NMNAT1: variants seen among roughly 807,000 people sequenced by gnomAD.
NMNAT1 encodes nicotinamide nucleotide adenylyltransferase 1, also known as nicotinamide/nicotinic acid mononucleotide adenylyltransferase 1.
In NMNAT1, 11 loss-of-function variants were observed where a neutral mutation model predicts 16.7. The observed-to-expected ratio is 0.66, with a 90% CI of 0.41 to 1.09. The LOEUF (loss-of-function observed/expected upper bound fraction) is 1.09. Among genes scored for constraint, NMNAT1 ranks in the 50% least tolerant of loss-of-function variants. NMNAT1 has a pLI of 0.00. For synonymous variants in NMNAT1, 110 were observed against 119.8 expected, an observed-to-expected ratio of 0.92 and a Z score of 0.53; for missense variants, 280 against 332.3, an observed-to-expected ratio of 0.84 and a Z score of 1.22.
chr1:9,960,122 A>T (rs954260808), intron 1 of NMNAT1, among the ~76,000 whole-genome samples: 1 of 152,146 alleles, frequency 6.6e-6, no homozygotes, highest in African/African-American at 2.4e-5. Flanking sequence ...GTTGATTTTT[A>T]AAAAACTGAC....
chr1:9,986,909 G>A (rs976710758), downstream of NMNAT1, among the ~76,000 whole-genome samples: 3 of 151,718 alleles, frequency 2.0e-5, no homozygotes, highest in Non-Finnish European at 2.9e-5. Context: ...TGGGCATGGT[G>A]GCTCAGCCTG....
At chr1:9,945,439 A>C (rs1640957587) in intron 1 of NMNAT1, among the ~76,000 whole-genome samples, 1 of 152,038 alleles carries the variant, frequency 6.6e-6, no homozygotes, top group Admixed American at 6.6e-5. Context: ...AGTGGCTCAC[A>C]CCTGTAATCC....
chr1:9,954,124 G>C (rs1466325469), intron 1 of NMNAT1, among the ~76,000 whole-genome samples: 1 of 151,836 alleles, frequency 6.6e-6, no homozygotes, highest in Non-Finnish European at 1.5e-5. Flanking sequence ...ACTCTTAAAA[G>C]CACATTCAAA....
downstream of NMNAT1, among the ~76,000 whole-genome samples, chr1:9,988,634 G>A (rs1180737913): frequency 1.3e-5 from 2 of 148,536 alleles, no homozygotes; most frequent in Admixed American, 1.3e-4. Flanking sequence ...ACCTGGGGAG[G>A]CAGAGGTTAC....
intron 1 of NMNAT1, among the ~76,000 whole-genome samples, chr1:9,960,943 A>C (rs191600951): frequency 4.6e-5 from 7 of 152,324 alleles, no homozygotes; most frequent in Non-Finnish European, 1.0e-4. Flanking sequence ...AGTACTCTTC[A>C]GGAAAGGGAC....
intron 1 of NMNAT1, among the ~76,000 whole-genome samples, chr1:9,944,967 C>A (rs1640937037): frequency 6.6e-6 from 1 of 152,204 alleles, no homozygotes; most frequent in South Asian, 2.1e-4. Flanking sequence ...GGTGCAGTGG[C>A]TCATGCCTGT....
At chr1:9,964,229 C>T (rs1641491221) in intron 1 of NMNAT1, among the ~76,000 whole-genome samples, 1 of 151,518 alleles carries the variant, frequency 6.6e-6, no homozygotes, top group African/African-American at 2.4e-5. Context: ...GTGGTTCACA[C>T]CTGTAATCCC....
At chr1:9,992,309 C>G in the NMNAT1 span, among the ~76,000 whole-genome samples, 3 of 151,914 alleles carry the variant, frequency 2.0e-5, no homozygotes, top group Non-Finnish European at 4.4e-5. Flanking sequence ...TCTCAAAATC[C>G]TGGGCTCAAA....
chr1:9,958,600 C>T (rs529949019), intron 1 of NMNAT1, among the ~76,000 whole-genome samples: 62 of 151,980 alleles, frequency 4.1e-4, no homozygotes, highest in African/African-American at 1.4e-3. Flanking sequence ...CCACCATGCC[C>T]GACTAATTTT....
intron 1 of NMNAT1, among the ~76,000 whole-genome samples, chr1:9,948,868 G>A (rs142231263): frequency 0.018 from 2,691 of 150,874 alleles, 82 homozygotes; most frequent in African/African-American, 0.06. Context: ...GGCTGGTCTC[G>A]AACTCCTGAC....
intron 3 of NMNAT1, among the ~76,000 whole-genome samples, chr1:9,976,532 G>A (rs554569064): frequency 6.6e-6 from 1 of 152,182 alleles, no homozygotes; most frequent in Non-Finnish European, 1.5e-5. Context: ...GACAGCATCT[G>A]GGCAGGGAGT....
intron 1 of NMNAT1, among the ~76,000 whole-genome samples, chr1:9,962,506 C>T (rs1641441651): frequency 6.6e-6 from 1 of 150,848 alleles, no homozygotes; most frequent in South Asian, 2.1e-4. Flanking sequence ...ATAACAGCTA[C>T]CATTCATTTT....
At chr1:9,986,325 G>A (rs188163179), downstream of NMNAT1, among the ~76,000 whole-genome samples, 1 of 152,318 alleles carries the variant, frequency 6.6e-6, no homozygotes, top group East Asian at 1.9e-4. Flanking sequence ...GTTTTGTTTT[G>A]CTGGAGTCTT....
chr1:9,946,941 T>C (rs747780549), intron 1 of NMNAT1, among the ~76,000 whole-genome samples: 2 of 152,176 alleles, frequency 1.3e-5, no homozygotes, highest in Non-Finnish European at 2.9e-5. Context: ...AGTAAATTTC[T>C]GTTGTTTAAG....
chr1:9,957,532 A>T (rs1641294730), intron 1 of NMNAT1, among the ~76,000 whole-genome samples: 1 of 134,858 alleles, frequency 7.4e-6, no homozygotes, highest in African/African-American at 2.9e-5. Flanking sequence ...TGACCTCGTG[A>T]TCCACGCCTC....
chr1:9,943,738 G>A (rs1640885476), intron 1 of NMNAT1, among the ~76,000 whole-genome samples: 1 of 152,160 alleles, frequency 6.6e-6, no homozygotes, highest in Non-Finnish European at 1.5e-5. Context: ...ATTCACCTTG[G>A]AAAGGAAAAA....
intron 1 of NMNAT1, among the ~76,000 whole-genome samples, chr1:9,945,399 T>C (rs1219311232): frequency 2.0e-5 from 3 of 152,090 alleles, no homozygotes; most frequent in Admixed American, 6.6e-5. Context: ...CTGGAAAATA[T>C]ACTTTAAAAA....
chr1:9,964,219 G>C (rs183718727), intron 1 of NMNAT1, among the ~76,000 whole-genome samples: 2 of 151,484 alleles, frequency 1.3e-5, no homozygotes, highest in Non-Finnish European at 2.9e-5. Context: ...GCCAGGTGTG[G>C]TGGTTCACAC....
At chr1:9,948,381 T>G (rs1641027203) in intron 1 of NMNAT1, among the ~76,000 whole-genome samples, 1 of 152,000 alleles carries the variant, frequency 6.6e-6, no homozygotes, top group South Asian at 2.1e-4. Flanking sequence ...TCGAGACCAG[T>G]CTGGGCAATA....
Sources: gnomAD v4.1 joint callset for allele counts (sites outside exome capture counted in the v4.1 genomes callset) on GRCh38, gnomAD v4.1.1 for gene constraint, MANE v1.5 for transcripts, NCBI Gene and HGNC (gene_info 2026-07-23, HGNC 2026-07-21) for gene names.